The following NLN variants were observed in gnomAD, a reference collection of about 807,000 sequenced individuals.
The protein encoded by NLN is neurolysin, mitochondrial.
Under a neutral mutation model 79.9 loss-of-function variants are expected in NLN, and 64 were observed. The observed-to-expected ratio is 0.80, with a 90% CI of 0.65 to 0.99. The LOEUF (loss-of-function observed/expected upper bound fraction) is 0.99. NLN is among the 50% of genes least tolerant of loss of function. The pLI is 0.00. For synonymous variants in NLN, 267 were observed against 296.6 expected (o/e 0.90, Z 1.02); for missense variants, 835 against 858.7 (o/e 0.97, Z 0.34).
chr5:65,780,005 T>G, intron 4 of NLN, 174 bp from the exon 5 acceptor site: 2 of 458,308 alleles, frequency 4.4e-6, no homozygotes, highest in African/African-American at 4.1e-5. Flanking sequence ...TTTGTATTTT[T>G]AGTAGAGACT....
At position 65,825,785 on chromosome 5, in the gene NLN, A is replaced by C; in HGVS notation, c.*2870A>C. The C allele has an allele frequency of 6.6e-6, 1 of 152,236 alleles. No individual in the cohort carries two copies. The highest frequency in any genetic ancestry group is 6.5e-5 in the Admixed American group (1 of 15,290). The allele number at this position is 152,236 out of a possible 1,614,324, so 9.4% of individuals were successfully genotyped here. ...CATTGTACTTGTAAATGCCTTAAGT[A>C]GCAGGCAGTGACTCAATTTTCTACT... On this transcript the variant is annotated 3_prime_UTR_variant, in exon 13 of 13. Transcript: ENST00000380985.
At chr5:65,761,582 G>A (rs888772030) in intron 2 of NLN, among the ~76,000 whole-genome samples, 1 of 152,030 alleles carries the variant, frequency 6.6e-6, no homozygotes, top group Non-Finnish European at 1.5e-5. Flanking sequence ...TTGAGCCACC[G>A]TTTTATAGCT....
At chr5:65,743,252 T>A (rs1409195655) in intron 1 of NLN, among the ~76,000 whole-genome samples, 1 of 152,222 alleles carries the variant, frequency 6.6e-6, no homozygotes, top group Non-Finnish European at 1.5e-5. Context: ...CACCAGGGAC[T>A]ACATTGGGGA....
Position 65,772,898 on chromosome 5 carries a change from A to G in NLN, c.451-4529A>G, listed in dbSNP as rs78176439. Among the ~76,000 whole-genome samples the G allele has an allele frequency of 2.1e-5, 3 of 144,250 alleles. No individual in the cohort carries two copies. In the East Asian group the frequency reaches 6.2e-4, roughly 30 times the overall value. 94.6% of individuals were successfully genotyped at this position (144,250 alleles called of 152,430 possible). On this transcript the variant is annotated intron_variant, in intron 3 of 12. Coordinates refer to ENST00000380985, the MANE Select transcript of NLN (RefSeq NM_020726.5). Reference sequence around the variant, plus strand: ...GGCACACGCCACCAGACCCGGCTATACTCTGTTATCCTATTATAATTCCTT... The same window carrying G: ...GGCACACGCCACCAGACCCGGCTATGCTCTGTTATCCTATTATAATTCCTT...
intron 6 of NLN, among the ~76,000 whole-genome samples, chr5:65,782,671 A>G (rs1429568854): frequency 2.0e-5 from 3 of 152,196 alleles, no homozygotes; most frequent in Non-Finnish European, 4.4e-5. Context: ...GGCTTTTCCA[A>G]CCATCTGAAG....
At chr5:65,755,217 G>T (rs976661703) in intron 1 of NLN, among the ~76,000 whole-genome samples, 4 of 152,006 alleles carry the variant, frequency 2.6e-5, no homozygotes, top group African/African-American at 9.7e-5. Context: ...GTTTCAAGTA[G>T]AATCATAACT....
intron 1 of NLN, among the ~76,000 whole-genome samples, chr5:65,753,909 T>C (rs1323856770): frequency 6.6e-6 from 1 of 152,240 alleles, no homozygotes; most frequent in East Asian, 1.9e-4. Context: ...TTGGCAGAAA[T>C]AATTATTTTG....
At chr5:65,763,272 G>A (rs569782044) in intron 3 of NLN, among the ~76,000 whole-genome samples, 164 bp downstream of exon 3, 151 of 152,266 alleles carry the variant, frequency 9.9e-4, no homozygotes, top group South Asian at 9.5e-3. Flanking sequence ...TAATTATATC[G>A]TTGAGGTTAT....
At position 65,825,973 on chromosome 5, in the gene NLN, T is replaced by G. The variant is rs1645783801; in HGVS notation, c.*3058T>G. ...ATTAAAATACCATCATACTTCAGGC[T>G]TCTATAACAAAATATCAGACTGGGT... On this transcript the variant is annotated 3_prime_UTR_variant, in exon 13 of 13. Coordinates refer to ENST00000380985, the MANE Select transcript of NLN (RefSeq NM_020726.5). 1 of 152,222 alleles carries G rather than the reference T, an allele frequency of 6.6e-6. No homozygotes were observed. The highest frequency in any genetic ancestry group is 1.5e-5 in the Non-Finnish European group (1 of 68,024). 9.4% of individuals were successfully genotyped at this position (152,222 alleles called of 1,614,324 possible). A position where few individuals can be genotyped will look rare whatever the true frequency, so the allele number is the denominator to read the frequency against.
chr5:65,767,675 GGTCAGGCTGC>G (rs1759482119), intron 3 of NLN, among the ~76,000 whole-genome samples: 1 of 152,260 alleles, frequency 6.6e-6, no homozygotes, highest in African/African-American at 2.4e-5. Context: ...TCTACCCCAT[GGTCAGGCTGC>G]AAATTTTTCA....
intron 12 of NLN, among the ~76,000 whole-genome samples, chr5:65,820,752 T>G (rs1327520943): frequency 6.6e-6 from 1 of 151,660 alleles, no homozygotes. Flanking sequence ...TCCCGAAAGC[T>G]AATTGAAGGC....
At chr5:65,792,815 C>G (rs1224167008) in intron 9 of NLN, 160 bp downstream of exon 9, 9 of 690,342 alleles carry the variant, frequency 1.3e-5, no homozygotes, top group Middle Eastern at 2.3e-4. Context: ...TTATCCTGTC[C>G]TCTTTCACAA....
intron 1 of NLN, among the ~76,000 whole-genome samples, chr5:65,754,545 T>C (rs1759177765): frequency 6.6e-6 from 1 of 152,182 alleles, no homozygotes; most frequent in East Asian, 1.9e-4. Flanking sequence ...TCCATTGTTA[T>C]TTCTGGAACC....
At chr5:65,800,530 C>T (rs1199608752) in intron 9 of NLN, among the ~76,000 whole-genome samples, 1 of 152,072 alleles carries the variant, frequency 6.6e-6, no homozygotes, top group African/African-American at 2.4e-5. Flanking sequence ...AAAAAATTAG[C>T]TGGACATGGT....
At chr5:65,786,025 A>T in intron 7 of NLN, 115 bp downstream of exon 7, 2 of 896,334 alleles carry the variant, frequency 2.2e-6, no homozygotes, top group Non-Finnish European at 3.4e-6. Context: ...ATTTGAGAGA[A>T]GTATATTGAT....
chr5:65,786,107 G>T, intron 7 of NLN, 197 bp downstream of exon 7: 1 of 435,118 alleles, frequency 2.3e-6, no homozygotes. Context: ...GTATAGGCCT[G>T]GCTTCACTGT....
chr5:65,736,947 A>C (rs1308103174), intron 1 of NLN, among the ~76,000 whole-genome samples: 1 of 151,232 alleles, frequency 6.6e-6, no homozygotes, highest in Non-Finnish European at 1.5e-5. Context: ...CAAAACATTA[A>C]AAAAAAAATT....
chr5:65,764,626 A>T (rs1476079304), intron 3 of NLN, among the ~76,000 whole-genome samples: 1 of 152,210 alleles, frequency 6.6e-6, no homozygotes, highest in Non-Finnish European at 1.5e-5. Flanking sequence ...CACTATAGTG[A>T]CCTGATAGAC....
intron 9 of NLN, among the ~76,000 whole-genome samples, chr5:65,795,882 A>G (rs937520616): frequency 1.3e-5 from 2 of 152,196 alleles, no homozygotes; most frequent in African/African-American, 4.8e-5. Flanking sequence ...ATGGTATATT[A>G]CTTATATTAT....
Sources: allele counts gnomAD v4.1 joint callset (sites outside exome capture counted in the v4.1 genomes callset), GRCh38; gene constraint gnomAD v4.1.1; transcripts MANE v1.5; gene names NCBI Gene and HGNC (gene_info 2026-07-23, HGNC 2026-07-21).